BICD2: variants seen among roughly 807,000 people sequenced by gnomAD.
BICD2 encodes the protein BICD cargo adaptor 2, also known as protein bicaudal D homolog 2.
Under a neutral mutation model 72.9 loss-of-function variants are expected in BICD2, and 25 were observed. The observed-to-expected ratio is 0.34, with a 90% CI of 0.25 to 0.48. BICD2 has a LOEUF of 0.48. Ranked by LOEUF, BICD2 falls within the 20% of genes least tolerant of loss-of-function variation. The pLI, the probability that BICD2 is intolerant of heterozygous loss-of-function variation, is 0.99. For missense variants in BICD2, 894 were observed against 1,175.2 expected (o/e 0.76, Z 3.50); for synonymous variants, 501 against 516.1 (o/e 0.97, Z 0.40).
At chr9:92,744,570 G>C (rs569390559) in intron 1 of BICD2, among the ~76,000 whole-genome samples, 1 of 152,178 alleles carries the variant, frequency 6.6e-6, no homozygotes, top group African/African-American at 2.4e-5. Context: ...GGCCAGGCGT[G>C]GTGGCTCAAG....
intron 1 of BICD2, among the ~76,000 whole-genome samples, chr9:92,750,275 T>C (rs1854120305): frequency 6.6e-6 from 1 of 152,232 alleles, no homozygotes; most frequent in Non-Finnish European, 1.5e-5. Context: ...AGTCTTATCA[T>C]ACAATCCAGC....
At chr9:92,754,922 A>G (rs935586861) in intron 1 of BICD2, among the ~76,000 whole-genome samples, 1 of 152,188 alleles carries the variant, frequency 6.6e-6, no homozygotes, top group East Asian at 1.9e-4. Flanking sequence ...AAATGTGGGC[A>G]CCTTGAAAAA....
intron 1 of BICD2, among the ~76,000 whole-genome samples, chr9:92,755,848 G>C (rs1363923271): frequency 6.6e-6 from 1 of 152,168 alleles, no homozygotes; most frequent in Non-Finnish European, 1.5e-5. Context: ...CTGCGTCCTG[G>C]GCCTGAGCCC....
chr9:92,755,393 T>C (rs901702757), intron 1 of BICD2, among the ~76,000 whole-genome samples: 3 of 152,206 alleles, frequency 2.0e-5, no homozygotes, highest in African/African-American at 4.8e-5. Context: ...TGATATTCTA[T>C]TACCTTGTAA....
chr9:92,733,084 A>AAACTTAATAC (rs1281468243), intron 1 of BICD2, among the ~76,000 whole-genome samples: 1 of 152,250 alleles, frequency 6.6e-6, no homozygotes, highest in Non-Finnish European at 1.5e-5. Context: ...AGAACTCACA[A>AAACTTAATAC]TTTCAAAACT....
At chr9:92,747,459 G>C (rs1854037758) in intron 1 of BICD2, among the ~76,000 whole-genome samples, 1 of 152,168 alleles carries the variant, frequency 6.6e-6, no homozygotes, top group African/African-American at 2.4e-5. Flanking sequence ...ATCGCCACAA[G>C]TGTAGGCAAC....
chr9:92,730,870 C>T (rs1853666691), intron 1 of BICD2, among the ~76,000 whole-genome samples: 1 of 152,248 alleles, frequency 6.6e-6, no homozygotes, highest in Non-Finnish European at 1.5e-5. Flanking sequence ...CCCATCAACA[C>T]AACACCCACT....
intron 2 of BICD2, among the ~76,000 whole-genome samples, chr9:92,727,214 C>T (rs1853584783): frequency 6.6e-6 from 1 of 152,188 alleles, no homozygotes; most frequent in Non-Finnish European, 1.5e-5. Flanking sequence ...ACCCCGAGGG[C>T]AGCATCCTTC....
intron 1 of BICD2, among the ~76,000 whole-genome samples, chr9:92,761,506 G>A (rs1444447565): frequency 2.6e-5 from 4 of 152,178 alleles, no homozygotes; most frequent in Non-Finnish European, 5.9e-5. Context: ...CTCTGAGCCT[G>A]AGCTCAGGTG....
In BICD2 at chr9:92,711,954, G is replaced by C. The variant is rs1248341707; in HGVS notation, c.*3200C>G. ...GCAAACAAAACAGGATGTAGACCTG[G>C]TTTGCTAAGGAGTTTTAATGAGTTC... On this transcript the variant is annotated 3_prime_UTR_variant, in exon 7 of 7. Transcript: ENST00000356884. 6.6e-6 allele frequency: 1 copy of C among 152,558 alleles called. No homozygotes were observed. The highest frequency in any genetic ancestry group is 1.9e-4 in the East Asian group (1 of 5,194). 9.5% of individuals were successfully genotyped at this position (152,558 alleles called of 1,614,324 possible).
intron 1 of BICD2, among the ~76,000 whole-genome samples, chr9:92,755,613 A>T (rs2131534044): frequency 6.6e-6 from 1 of 152,334 alleles, no homozygotes; most frequent in African/African-American, 2.4e-5. Context: ...GGAAAATGAA[A>T]AGAACTTACG....
chr9:92,719,022 C>A lies in BICD2; in HGVS notation c.1623G>T (p.Val541=). 5 of 1,612,466 alleles carry A rather than the reference C, an allele frequency of 3.1e-6. No individual in the cohort carries two copies. The highest frequency in any genetic ancestry group is 4.2e-6 in the Non-Finnish European group (5 of 1,179,964). The change falls in exon 5 of 7, where the codon GTG becomes GTT. Residue 541 remains valine, a synonymous_variant. Transcript: ENST00000356884. ...TGGGTGTCTCATTGTTGCACATGCA[C>A]ACGTGGTGGTAGAGATTGGCCAGCT... ...SEELANLYHH[V]CMCNNETPNR... is the part of the protein sequence containing the mutation.
rs1180887161 is a variant in BICD2 at position 92,712,284 on chromosome 9, T to C, written c.*2870A>G. The C allele has an allele frequency of 1.3e-5, 2 of 152,636 alleles. No individual in the cohort carries two copies. The highest frequency in any genetic ancestry group is 1.9e-4 in the East Asian group (1 of 5,202). The allele number at this position is 152,636 out of a possible 1,614,324, so 9.5% of individuals were successfully genotyped here. A position where few individuals can be genotyped will look rare whatever the true frequency, so the allele number is the denominator to read the frequency against. ...CTAACAGAATTTTGCACAATGACTG[T>C]TTTCTTTCCCTCAATGAAGATGCCC... On this transcript the variant is annotated 3_prime_UTR_variant, in exon 7 of 7. Coordinates refer to ENST00000356884, the MANE Select transcript of BICD2 (RefSeq NM_001003800.2).
intron 2 of BICD2, among the ~76,000 whole-genome samples, chr9:92,726,167 C>T (rs1564063313): frequency 1.3e-5 from 2 of 152,212 alleles, no homozygotes; most frequent in Admixed American, 6.5e-5. Context: ...CATGATGGAA[C>T]CTTGCAAACC....
Position 92,719,097 on chromosome 9 carries a change from T to G in BICD2, c.1548A>C (p.Thr516=), listed in dbSNP as rs1221820883. 1.2e-6 allele frequency: 2 copies of G among 1,613,008 alleles called. No homozygotes were observed. The highest frequency in any genetic ancestry group is 1.7e-6 in the Non-Finnish European group (2 of 1,179,970). Residue 516 remains threonine (T), a synonymous_variant, in exon 5 of 7, where the codon ACA becomes ACC. Transcript: ENST00000356884. ...LKKVSDVAGE[T]QGSLSVAQDE... is the part of the protein sequence containing the mutation. The stretch of plus-strand genomic sequence containing the variant: ...CCTGGGCCACACTCAGGCTGCCCTG[T>G]GTCTCGCCGGCGACGTCGCTCACCT...
At position 92,722,719 on chromosome 9, in the gene BICD2, G is replaced by A. The variant is rs749539802; in HGVS notation, c.543C>T (p.Tyr181=). Residue 181 remains tyrosine, a synonymous_variant, in exon 3 of 7, where the codon TAC becomes TAT. Transcript: ENST00000356884. The stretch of plus-strand genomic sequence containing the variant: ...TGATGTTCTCCTCCTCCAGTTCCGA[G>A]TAGTCCTGCAGCAGACGAGCTTCCC... ...KFREARLLQD[Y]SELEEENISL... The A allele has an allele frequency of 1.2e-6, 2 of 1,614,214 alleles. No homozygotes were observed. The highest frequency in any genetic ancestry group is 2.2e-5 in the South Asian group (2 of 91,084).
rs564185181 is a variant in BICD2 at position 92,752,187 on chromosome 9, C to T, written c.240+12318G>A. On this transcript the variant is annotated intron_variant, in intron 1 of 6. Coordinates refer to ENST00000356884, the MANE Select transcript of BICD2 (RefSeq NM_001003800.2). ...TCAAAGACACCCTAATAGCAATGAGCACACATAGCAACCAGATCTTGGTTT... is the reference window on the plus strand; with the variant it reads ...TCAAAGACACCCTAATAGCAATGAGTACACATAGCAACCAGATCTTGGTTT... 1.1e-4 allele frequency among the ~76,000 whole-genome samples: 17 copies of T among 152,276 alleles called. No individual in the cohort carries two copies. The South Asian group carries it at 2.9e-3, about 26-fold the overall frequency.
Position 92,719,630 on chromosome 9 carries a change from C to T in BICD2, c.1063-48G>A, listed in dbSNP as rs200554982. 2.5e-5 allele frequency: 38 copies of T among 1,506,696 alleles called. No homozygotes were observed. The East Asian group carries it at 8.1e-4, about 32-fold the overall frequency. The allele number at this position is 1,506,696 out of a possible 1,614,324, so 93.3% of individuals were successfully genotyped here. A position where few individuals can be genotyped will look rare whatever the true frequency, so the allele number is the denominator to read the frequency against. On this transcript the variant is annotated intron_variant, in intron 4 of 6. Coordinates refer to ENST00000356884, the MANE Select transcript of BICD2 (RefSeq NM_001003800.2). ...ACACCATGTCAGTTGCTATGGACCCCGAGAGCTTGGAGGACCCCCAAGATG... is the reference window on the plus strand; with the variant it reads ...ACACCATGTCAGTTGCTATGGACCCTGAGAGCTTGGAGGACCCCCAAGATG...
chr9:92,747,597 T>G (rs924394738), intron 1 of BICD2, among the ~76,000 whole-genome samples: 12 of 152,250 alleles, frequency 7.9e-5, no homozygotes, highest in South Asian at 2.1e-4. Flanking sequence ...AGCCTAACAT[T>G]ACCCTCACTT....
Sources: gnomAD v4.1 joint callset for allele counts (sites outside exome capture counted in the v4.1 genomes callset) on GRCh38, gnomAD v4.1.1 for gene constraint, MANE v1.5 for transcripts, NCBI Gene and HGNC (gene_info 2026-07-23, HGNC 2026-07-21) for gene names.